The following ATCAY variants were observed in gnomAD, a reference collection of about 807,000 sequenced individuals.
ATCAY encodes ATCAY kinesin light chain interacting caytaxin.
ATCAY carries 22 observed loss-of-function variants against 47.7 expected under a neutral mutation model. That is an observed-to-expected ratio of 0.46 (90% confidence interval 0.33 to 0.66). The LOEUF is 0.66. ATCAY is among the 30% of genes least tolerant of loss of function. ATCAY has a pLI of 0.02. For synonymous variants in ATCAY, 216 were observed against 207.6 expected (o/e 1.04, Z -0.35); for missense variants, 452 against 515.0 (o/e 0.88, Z 1.18).
chr19:3,883,359 A>C (rs1250256672), intron 1 of ATCAY, among the ~76,000 whole-genome samples: 1 of 152,094 alleles, frequency 6.6e-6, no homozygotes, highest in Middle Eastern at 3.2e-3. Flanking sequence ...AAATGACAAC[A>C]AAAAAAGTGG....
intron 1 of ATCAY, among the ~76,000 whole-genome samples, chr19:3,881,923 G>A (rs1216148299): frequency 5.3e-5 from 7 of 132,964 alleles, no homozygotes; most frequent in African/African-American, 8.8e-5. Context: ...CATGCTGCGT[G>A]TTACTGTCCC....
intron 2 of ATCAY, among the ~76,000 whole-genome samples, chr19:3,890,168 T>C (rs576904620): frequency 6.7e-6 from 1 of 148,634 alleles, no homozygotes; most frequent in African/African-American, 2.5e-5. Flanking sequence ...GGTCTCGAAC[T>C]CTCAACCTCA....
intron 6 of ATCAY, 149 bp downstream of exon 6, chr19:3,908,519 T>C: frequency 1.3e-6 from 1 of 754,412 alleles, no homozygotes. Flanking sequence ...TTGATCTGAG[T>C]CCCTGCTGGC....
In ATCAY at chr19:3,910,642, A is replaced by G. The variant is rs183625219; in HGVS notation, c.780-161A>G. Among the ~76,000 whole-genome samples, 13 of 152,200 alleles carry G rather than the reference A, an allele frequency of 8.5e-5. No individual in the cohort carries two copies. In the East Asian group the frequency reaches 2.5e-3, roughly 29 times the overall value. Reference sequence around the variant, plus strand: ...GTCTTTATCCCACCATAGGACCCCCATGTCTTGGATGGGGGCAGGGATTTG... The same window carrying G: ...GTCTTTATCCCACCATAGGACCCCCGTGTCTTGGATGGGGGCAGGGATTTG... On this transcript the variant is annotated intron_variant, in intron 7 of 12. Transcript: ENST00000450849.
In ATCAY at chr19:3,895,716, CTTT is replaced by C. The variant is rs537910730; in HGVS notation, c.78-6755_78-6753del. 1.2e-4 allele frequency among the ~76,000 whole-genome samples: 15 copies of C among 129,646 alleles called. No individual in the cohort carries two copies. The South Asian group carries it at 1.8e-3, about 15-fold the overall frequency. The allele number at this position is 129,646 out of a possible 152,430, so 85.1% of individuals were successfully genotyped here. Reference sequence around the variant, plus strand: ...TTTCTTTTTTTCTTTCTTTTCTTTTCTTTTTTTTTTTTTTTTTTGATAGACTCT... The same window carrying C: ...TTTCTTTTTTTCTTTCTTTTCTTTTCTTTTTTTTTTTTTTTGATAGACTCT... On this transcript the variant is annotated intron_variant, in intron 2 of 12. Coordinates refer to ENST00000450849, the MANE Select transcript of ATCAY (RefSeq NM_033064.5).
chr19:3,891,094 C>T (rs1424340218), intron 2 of ATCAY, among the ~76,000 whole-genome samples: 1 of 151,466 alleles, frequency 6.6e-6, no homozygotes, highest in Admixed American at 6.6e-5. Context: ...GTGTATCACC[C>T]AGGCTGGAGT....
intron 7 of ATCAY, among the ~76,000 whole-genome samples, 162 bp downstream of exon 7, chr19:3,909,779 G>A (rs571376257): frequency 3.6e-4 from 54 of 151,980 alleles, no homozygotes; most frequent in African/African-American, 1.2e-3. Flanking sequence ...GCAGCAAGAC[G>A]CTGTCTCTAC....
In ATCAY at chr19:3,918,882, G is replaced by C. The variant is rs1380079187; in HGVS notation, c.1073+5G>C. On this transcript the variant is annotated splice_donor_5th_base_variant and intron_variant, in intron 11 of 12. Transcript: ENST00000450849. ...GGTGGCACCAGTGGAAAACAGGTAG[G>C]TGTGCAGGGGACCATGGGCAGAGAG... 1 of 1,613,852 alleles carries C rather than the reference G, an allele frequency of 6.2e-7. No individual in the cohort carries two copies. The highest frequency in any genetic ancestry group is 8.5e-7 in the Non-Finnish European group (1 of 1,179,860).
chr19:3,907,651 GGA>G lies in ATCAY; in HGVS notation c.359-79_359-78del. The G allele has an allele frequency of 6.5e-7, 1 of 1,528,004 alleles. No individual in the cohort carries two copies. Among genetic ancestry groups the G allele is most frequent in the South Asian group, 1.2e-5 (1 of 85,890 alleles). 94.7% of individuals were successfully genotyped at this position (1,528,004 alleles called of 1,614,324 possible). ...GTGGGTCCCGGCAGCGAGGGAGGTG[GGA>G]GAGGGGAAGGAAGGCTGAGCAGGAG... On this transcript the variant is annotated intron_variant, in intron 4 of 12. Coordinates refer to ENST00000450849, the MANE Select transcript of ATCAY (RefSeq NM_033064.5). The surrounding 1 kb of genome is among the most constrained non-coding windows in gnomAD (Gnocchi z 5.1).
rs1483963684 is a variant in ATCAY at position 3,927,668 on chromosome 19, C to T, written c.*3076C>T. The T allele has an allele frequency of 6.6e-6, 1 of 152,342 alleles. No individual in the cohort carries two copies. The highest frequency in any genetic ancestry group is 2.4e-5 in the African/African-American group (1 of 41,470). The allele number at this position is 152,342 out of a possible 1,614,324, so 9.4% of individuals were successfully genotyped here. On this transcript the variant is annotated 3_prime_UTR_variant, in exon 13 of 13. Transcript: ENST00000450849. ...GCAGGCGAAACTGAAGACCCCAACT[C>T]AGCCCCAGCGGACCCTCCAGAGCAA...
intron 9 of ATCAY, among the ~76,000 whole-genome samples, chr19:3,916,578 C>T (rs2038967888): frequency 6.6e-6 from 1 of 152,186 alleles, no homozygotes; most frequent in Non-Finnish European, 1.5e-5. Context: ...GCTGCAACCT[C>T]CACCTCCCGG....
chr19:3,898,723 C>T (rs928789508), intron 2 of ATCAY, among the ~76,000 whole-genome samples: 1 of 152,150 alleles, frequency 6.6e-6, no homozygotes, highest in African/African-American at 2.4e-5. Flanking sequence ...CACTCTGTCC[C>T]CAGGCTGGAG....
intron 12 of ATCAY, among the ~76,000 whole-genome samples, chr19:3,924,314 TG>T (rs1183764584): frequency 2.0e-5 from 3 of 151,756 alleles, no homozygotes; most frequent in Non-Finnish European, 4.4e-5. Context: ...GTTGGTTAGT[TG>T]GGGGGTGGGT....
chr19:3,894,280 C>T (rs890615001), intron 2 of ATCAY, among the ~76,000 whole-genome samples: 3 of 151,776 alleles, frequency 2.0e-5, no homozygotes, highest in South Asian at 4.2e-4. Flanking sequence ...GTCAGGAGAT[C>T]GAGACCATCC....
At chr19:3,886,897 A>G (rs1451672019) in intron 2 of ATCAY, among the ~76,000 whole-genome samples, 1 of 151,664 alleles carries the variant, frequency 6.6e-6, no homozygotes, top group East Asian at 2.0e-4. Context: ...TATTTTTAGT[A>G]GAGACCGGAT....
At chr19:3,908,039 G>C (rs2038880661) in intron 5 of ATCAY, 120 bp downstream of exon 5, 1 of 1,353,710 alleles carries the variant, frequency 7.4e-7, no homozygotes, top group East Asian at 2.5e-5. Context: ...GCTTCGGGTG[G>C]ACGGACTGTG....
intron 3 of ATCAY, among the ~76,000 whole-genome samples, chr19:3,904,663 C>T (rs750429553): frequency 1.3e-5 from 2 of 151,418 alleles, no homozygotes; most frequent in Non-Finnish European, 2.9e-5. Flanking sequence ...CACACACGTC[C>T]TATTGGATTT....
chr19:3,913,745 C>T lies in ATCAY; in HGVS notation c.867-13C>T, dbSNP rs371046093. 1.2e-6 allele frequency: 2 copies of T among 1,612,006 alleles called. No homozygotes were observed. The highest frequency in any genetic ancestry group is 1.7e-6 in the Non-Finnish European group (2 of 1,178,596). On this transcript the variant is annotated splice_polypyrimidine_tract_variant and intron_variant, in intron 8 of 12. Transcript: ENST00000450849. ...TTGCATTTCAGACCTCTCCCTCCTT[C>T]TCCCCCCGCCAGCGTCAAGTTCATC...
At chr19:3,920,852 C>T in intron 12 of ATCAY, 54 bp downstream of exon 12, 1 of 1,598,234 alleles carries the variant, frequency 6.3e-7, no homozygotes, top group South Asian at 1.1e-5. Flanking sequence ...CCTTCATGGA[C>T]CTGTATTAGT....
Sources: allele counts gnomAD v4.1 joint callset (sites outside exome capture counted in the v4.1 genomes callset), GRCh38; gene constraint gnomAD v4.1.1; non-coding constraint Gnocchi (gnomAD v3.1); transcripts MANE v1.5; gene names NCBI Gene and HGNC (gene_info 2026-07-23, HGNC 2026-07-21).